Variants in CADM1 observed in about 807,000 individuals in gnomAD.
CADM1 encodes TSLC-1.
A neutral mutation model predicts 53.1 loss-of-function variants in CADM1; 15 were observed. The observed-to-expected ratio is 0.28, with a 90% CI of 0.19 to 0.44. The LOEUF (loss-of-function observed/expected upper bound fraction) is 0.44. Ranked by LOEUF, CADM1 falls within the 20% of genes least tolerant of loss-of-function variation. The probability of loss-of-function intolerance (pLI) is 1.00; values close to 1 mark genes in which losing one functional copy is unlikely to be tolerated. For synonymous variants in CADM1, 281 were observed against 243.0 expected, an observed-to-expected ratio of 1.16 and a Z score of -1.45; for missense variants, 434 against 611.3, an observed-to-expected ratio of 0.71 and a Z score of 3.06.
At chr11:115,349,600 T>C (rs1179180838) in intron 1 of CADM1, among the ~76,000 whole-genome samples, 1 of 152,210 alleles carries the variant, frequency 6.6e-6, no homozygotes. Context: ...ATTAGCACTT[T>C]CATTCCGAAG....
At chr11:115,241,996 C>A (rs1591636218) in intron 1 of CADM1, among the ~76,000 whole-genome samples, 2 of 144,416 alleles carry the variant, frequency 1.4e-5, no homozygotes, top group Middle Eastern at 3.7e-3. Context: ...TTTGCTAGGA[C>A]ACACTGGGAA....
At chr11:115,199,339 G>C (rs1453417913) in intron 8 of CADM1, among the ~76,000 whole-genome samples, 1 of 152,198 alleles carries the variant, frequency 6.6e-6, no homozygotes, top group African/African-American at 2.4e-5. Context: ...GAGTAGGAGA[G>C]AGTGCAGTTT....
intron 1 of CADM1, among the ~76,000 whole-genome samples, chr11:115,335,635 T>C (rs539449973): frequency 4.6e-5 from 7 of 152,274 alleles, no homozygotes; most frequent in African/African-American, 1.7e-4. Context: ...TAAAATTCAT[T>C]AGTCAATCCT....
At chr11:115,421,282 G>A (rs1280965616) in intron 1 of CADM1, among the ~76,000 whole-genome samples, 1 of 152,310 alleles carries the variant, frequency 6.6e-6, no homozygotes, top group South Asian at 2.1e-4. Context: ...ATCAAAGCAA[G>A]CCAGTGTTTC....
chr11:115,381,441 C>A (rs566876506), intron 1 of CADM1, among the ~76,000 whole-genome samples: 1 of 152,226 alleles, frequency 6.6e-6, no homozygotes, highest in East Asian at 1.9e-4. Flanking sequence ...GACAGTAATG[C>A]ACAAGGTTAA....
At chr11:115,185,879 G>A (rs940980290) in intron 10 of CADM1, among the ~76,000 whole-genome samples, 5 of 152,208 alleles carry the variant, frequency 3.3e-5, no homozygotes, top group Non-Finnish European at 7.3e-5. Flanking sequence ...GTGGACCTCA[G>A]GCATTTGGGG....
At chr11:115,234,912 A>AC (rs1296869425) in intron 3 of CADM1, among the ~76,000 whole-genome samples, 1 of 151,686 alleles carries the variant, frequency 6.6e-6, no homozygotes, top group Non-Finnish European at 1.5e-5. Flanking sequence ...AAAAAAAAAA[A>AC]AAAAAAAAAT....
intron 1 of CADM1, among the ~76,000 whole-genome samples, chr11:115,450,905 T>G (rs554788836): frequency 6.6e-6 from 1 of 152,222 alleles, no homozygotes; most frequent in African/African-American, 2.4e-5. Context: ...CCAATTCCTT[T>G]ATCCTGTATC....
intron 1 of CADM1, among the ~76,000 whole-genome samples, chr11:115,420,986 G>A (rs116815042): frequency 2.0e-3 from 309 of 152,214 alleles, no homozygotes; most frequent in African/African-American, 7.0e-3. Context: ...CATTTTCTAT[G>A]CAAATGACTC....
chr11:115,231,791 AGCCTGACCAACATG>A (rs1941823864), intron 3 of CADM1, among the ~76,000 whole-genome samples: 6 of 152,168 alleles, frequency 3.9e-5, no homozygotes, highest in Non-Finnish European at 8.8e-5. Flanking sequence ...GTTTGATATC[AGCCTGACCAACATG>A]GAGAAACCCC....
chr11:115,188,897 GGTTGT>G (rs1190290894), intron 10 of CADM1, among the ~76,000 whole-genome samples: 1 of 122,552 alleles, frequency 8.2e-6, no homozygotes, highest in Non-Finnish European at 2.0e-5. Flanking sequence ...AATTTTTATT[GGTTGT>G]TTTTTTTTTC....
intron 1 of CADM1, among the ~76,000 whole-genome samples, chr11:115,272,499 T>TCAAA (rs1039456343): frequency 1.3e-5 from 2 of 152,062 alleles, no homozygotes; most frequent in African/African-American, 2.4e-5. Context: ...GAGTTTAACC[T>TCAAA]CAAACAAACA....
chr11:115,470,683 G>T (rs934773341), intron 1 of CADM1, among the ~76,000 whole-genome samples: 1 of 152,104 alleles, frequency 6.6e-6, no homozygotes, highest in African/African-American at 2.4e-5. Context: ...AAATAGAACT[G>T]CTTTTGTGGA....
At chr11:115,484,100 T>C (rs1949316078) in intron 1 of CADM1, among the ~76,000 whole-genome samples, 1 of 152,106 alleles carries the variant, frequency 6.6e-6, no homozygotes, top group Non-Finnish European at 1.5e-5. Flanking sequence ...GTTAAGAAAA[T>C]GCAGACTACA....
intron 1 of CADM1, among the ~76,000 whole-genome samples, chr11:115,330,920 C>G (rs1276178624): frequency 6.6e-6 from 1 of 152,138 alleles, no homozygotes; most frequent in Non-Finnish European, 1.5e-5. Context: ...AATCAACTAA[C>G]ACTCAGCAGC....
At chr11:115,248,022 C>T (rs1189510720) in intron 1 of CADM1, among the ~76,000 whole-genome samples, 1 of 152,220 alleles carries the variant, frequency 6.6e-6, no homozygotes, top group East Asian at 1.9e-4. Flanking sequence ...GTTATTTCTG[C>T]TTTTCTCTCC....
intron 1 of CADM1, among the ~76,000 whole-genome samples, chr11:115,245,419 TG>T (rs1194181481): frequency 6.6e-6 from 1 of 152,230 alleles, no homozygotes; most frequent in Admixed American, 6.5e-5. Context: ...CCTCCTAGGT[TG>T]GAAATTTTCA....
intron 1 of CADM1, among the ~76,000 whole-genome samples, chr11:115,309,734 A>G (rs2135158549): frequency 6.6e-6 from 1 of 152,238 alleles, no homozygotes; most frequent in East Asian, 1.9e-4. Context: ...CGTGTGACTT[A>G]AGGCAAGTCA....
intron 1 of CADM1, among the ~76,000 whole-genome samples, chr11:115,271,126 T>C (rs1943284789): frequency 6.6e-6 from 1 of 152,096 alleles, no homozygotes; most frequent in Non-Finnish European, 1.5e-5. Flanking sequence ...ACATCCGAGA[T>C]AGGTCCTTAG....
Sources: allele counts gnomAD v4.1 joint callset (sites outside exome capture counted in the v4.1 genomes callset), GRCh38; gene constraint gnomAD v4.1.1; transcripts MANE v1.5; gene names NCBI Gene and HGNC (gene_info 2026-07-23, HGNC 2026-07-21).